The following VTI1A variants were observed in gnomAD, a reference collection of about 807,000 sequenced individuals.
VTI1A encodes vesicle transport through interaction with t-SNAREs 1A, also known as vesicle transport through interaction with t-SNAREs homolog 1A.
A neutral mutation model predicts 34.9 loss-of-function variants in VTI1A; 22 were observed. The ratio of observed to expected loss-of-function variants is 0.63; its 90% CI spans 0.45 to 0.90. The LOEUF (loss-of-function observed/expected upper bound fraction) is 0.90. VTI1A is among the 40% of genes least tolerant of loss of function. VTI1A has a pLI of 0.00. For synonymous variants in VTI1A, 87 were observed against 97.3 expected (o/e 0.89, Z 0.62); for missense variants, 268 against 275.6 (o/e 0.97, Z 0.20).
chr10:112,736,700 G>C, intron 7 of VTI1A: 1 of 1,551,684 alleles, frequency 6.4e-7, no homozygotes, highest in Admixed American at 2.0e-5. Context: ...TGCTACATAA[G>C]GATTTCTCTT....
At chr10:112,757,729 A>G (rs1159318145) in intron 7 of VTI1A, among the ~76,000 whole-genome samples, 1 of 152,164 alleles carries the variant, frequency 6.6e-6, no homozygotes, top group Non-Finnish European at 1.5e-5. Context: ...TGACAGTAAT[A>G]TGTTTCTTTT....
At chr10:112,473,730 A>G (rs1026775947) in intron 3 of VTI1A, among the ~76,000 whole-genome samples, 1 of 152,038 alleles carries the variant, frequency 6.6e-6, no homozygotes, top group Non-Finnish European at 1.5e-5. Context: ...CTTTCTCCAT[A>G]TTTTCTCTGT....
chr10:112,726,431 G>A (rs769257746), intron 7 of VTI1A, among the ~76,000 whole-genome samples: 4 of 152,144 alleles, frequency 2.6e-5, no homozygotes, highest in Admixed American at 6.5e-5. Context: ...ATTTAGTCTT[G>A]TTCTTAACCC....
chr10:112,694,362 TTGGA>T (rs113264700), intron 7 of VTI1A, among the ~76,000 whole-genome samples: 2 of 151,314 alleles, frequency 1.3e-5, no homozygotes, highest in African/African-American at 2.4e-5. Context: ...CAGGAAGTAT[TTGGA>T]TGGATGGATG....
chr10:112,546,760 A>C (rs180738107), intron 5 of VTI1A, among the ~76,000 whole-genome samples: 1 of 152,270 alleles, frequency 6.6e-6, no homozygotes, highest in Admixed American at 6.5e-5. Flanking sequence ...TCTCTGAGTA[A>C]GAATAATACC....
chr10:112,527,019 A>G, intron 3 of VTI1A, 68 bp from the exon 4 acceptor site: 1 of 1,511,754 alleles, frequency 6.6e-7, no homozygotes, highest in Non-Finnish European at 9.1e-7. Flanking sequence ...CCTTGATACC[A>G]ATAAAGCTTG....
chr10:112,709,329 AC>A (rs1849315776), intron 7 of VTI1A, among the ~76,000 whole-genome samples: 1 of 151,776 alleles, frequency 6.6e-6, no homozygotes, highest in Admixed American at 6.6e-5. Flanking sequence ...AAGATTTTTG[AC>A]CTCTAGTTCC....
chr10:112,533,220 T>C (rs2134240365), intron 4 of VTI1A, among the ~76,000 whole-genome samples: 1 of 152,208 alleles, frequency 6.6e-6, no homozygotes, highest in East Asian at 1.9e-4. Flanking sequence ...TTTCTTTCTT[T>C]ATAATATAGA....
chr10:112,552,183 A>G lies in VTI1A; in HGVS notation c.427+13853A>G, dbSNP rs79710242. Among the ~76,000 whole-genome samples, 116 of 152,314 alleles carry G rather than the reference A, an allele frequency of 7.6e-4. 2 individuals carry two copies. The East Asian group carries it at 0.021, about 28-fold the overall frequency. The stretch of plus-strand genomic sequence containing the variant: ...ACTTTTACATCTGTTAACTCATCGT[A>G]TCAATCAATAAATTACCTTATCTGA... On this transcript the variant is annotated intron_variant, in intron 5 of 7. Transcript: ENST00000393077.
chr10:112,504,296 C>T (rs1172401156), intron 3 of VTI1A, among the ~76,000 whole-genome samples: 2 of 152,176 alleles, frequency 1.3e-5, no homozygotes, highest in Non-Finnish European at 2.9e-5. Context: ...ACTACTGTTA[C>T]GAATTGTTTG....
intron 5 of VTI1A, among the ~76,000 whole-genome samples, chr10:112,550,981 C>T (rs368454275): frequency 7.9e-5 from 12 of 152,126 alleles, no homozygotes; most frequent in Admixed American, 1.3e-4. Flanking sequence ...CGGTGGCTCA[C>T]GCCTGTAATC....
chr10:112,461,297 T>A (rs946750193), intron 2 of VTI1A, among the ~76,000 whole-genome samples: 14 of 152,182 alleles, frequency 9.2e-5, no homozygotes, highest in Non-Finnish European at 1.9e-4. Context: ...GACACATTAT[T>A]TCCTCTCCCT....
chr10:112,775,794 G>GGTCT (rs1851940488), intron 7 of VTI1A, among the ~76,000 whole-genome samples: 1 of 152,202 alleles, frequency 6.6e-6, no homozygotes, highest in South Asian at 2.1e-4. Context: ...ATAGGACACA[G>GGTCT]GTCTCTCTCT....
intron 7 of VTI1A, among the ~76,000 whole-genome samples, chr10:112,814,883 G>C (rs553730592): frequency 1.3e-5 from 2 of 151,960 alleles, no homozygotes; most frequent in East Asian, 3.9e-4. Flanking sequence ...TGTTTCCTTG[G>C]AGTATTTTAC....
chr10:112,502,837 CTTCT>C (rs1025366115), intron 3 of VTI1A, among the ~76,000 whole-genome samples: 1 of 152,164 alleles, frequency 6.6e-6, no homozygotes, highest in Non-Finnish European at 1.5e-5. Flanking sequence ...TAGGATTAAA[CTTCT>C]TTCTTTTATC....
intron 7 of VTI1A, among the ~76,000 whole-genome samples, chr10:112,757,317 T>C (rs190570604): frequency 6.6e-6 from 1 of 151,878 alleles, no homozygotes; most frequent in East Asian, 1.9e-4. Context: ...AAAAGCTCTT[T>C]TGCCTTTGCT....
chr10:112,577,311 C>T (rs1025695480), intron 5 of VTI1A, among the ~76,000 whole-genome samples: 6 of 152,174 alleles, frequency 3.9e-5, no homozygotes, highest in African/African-American at 1.4e-4. Context: ...ATTTTTCTAT[C>T]AACCAACTTT....
chr10:112,502,006 T>C (rs1343039898), intron 3 of VTI1A, among the ~76,000 whole-genome samples: 1 of 150,770 alleles, frequency 6.6e-6, no homozygotes, highest in African/African-American at 2.4e-5. Context: ...TCTCTGCCCA[T>C]GTTCCCTAGA....
chr10:112,447,104 G>T (rs574469129), upstream of VTI1A: 3 of 481,782 alleles, frequency 6.2e-6, no homozygotes, highest in African/African-American at 5.7e-5. Context: ...CGCTTTTCTG[G>T]GGGGAGGCAC....
Sources: gnomAD v4.1 joint callset for allele counts (sites outside exome capture counted in the v4.1 genomes callset) on GRCh38, gnomAD v4.1.1 for gene constraint, MANE v1.5 for transcripts, NCBI Gene and HGNC (gene_info 2026-07-23, HGNC 2026-07-21) for gene names.